Variants in PCNT observed in about 807,000 individuals in gnomAD.
PCNT encodes pericentrin, also known as kendrin.
PCNT carries 319 observed loss-of-function variants against 380.4 expected under a neutral mutation model. That is an observed-to-expected ratio of 0.84 (90% confidence interval 0.77 to 0.92). The LOEUF is 0.92. PCNT is among the 40% of genes least tolerant of loss of function. The probability of loss-of-function intolerance (pLI) is 0.00; values close to 1 mark genes in which losing one functional copy is unlikely to be tolerated. For synonymous variants in PCNT, 1,845 were observed against 1,735.2 expected, an observed-to-expected ratio of 1.06 and a Z score of -1.57; for missense variants, 4,400 against 4,255.3, an observed-to-expected ratio of 1.03 and a Z score of -0.95.
chr21:46,428,286 C>CT (rs1412583676), intron 34 of PCNT, 109 bp from the exon 35 acceptor site: 6 of 995,080 alleles, frequency 6.0e-6, no homozygotes, highest in African/African-American at 1.6e-5. Context: ...CCATCCCAGA[C>CT]TCAGCAGGCT....
At chr21:46,330,287 T>TAAAAA (rs375033953) in intron 2 of PCNT, among the ~76,000 whole-genome samples, 3 of 151,560 alleles carry the variant, frequency 2.0e-5, no homozygotes, top group Non-Finnish European at 4.4e-5. Flanking sequence ...CTGGCTAACT[T>TAAAAA]AAAAAAAAAT....
In PCNT at chr21:46,423,604, A is replaced by G. The variant is rs553208228; in HGVS notation, c.7179+1480A>G. Among the ~76,000 whole-genome samples the G allele has an allele frequency of 2.0e-3, 295 of 147,982 alleles. 2 individuals carry two copies. The highest frequency in any genetic ancestry group is 7.1e-3 in the African/African-American group (280 of 39,556). ...TAAGGAATAAATTTGATTAATGTTA[A>G]CTCTTCATACTTAGGTTTCATAATT... On this transcript the variant is annotated intron_variant, in intron 32 of 46. Transcript: ENST00000359568.
Position 46,430,643 on chromosome 21 carries a change from G to C in PCNT, c.8050G>C (p.Ala2684Pro), listed in dbSNP as rs1265124934. The C allele has an allele frequency of 1.3e-6, 2 of 1,570,916 alleles. No homozygotes were observed. ...GCACCTGCAGAGGGAGAGCCAGAGTGCCAAGGCCCTGGAGGTAACAGGGTG... is the reference window on the plus strand; with the variant it reads ...GCACCTGCAGAGGGAGAGCCAGAGTCCCAAGGCCCTGGAGGTAACAGGGTG... ...LRHLQRESQS[A>P]KALEELRASL... is the part of the protein sequence containing the mutation. The change falls in exon 37 of 47, where the codon GCC becomes CCC. Residue 2684 changes from alanine (A) to proline (P), a missense_variant. Physicochemically the swap from Ala to Pro is conservative, Grantham distance 27. Transcript: ENST00000359568.
At chr21:46,355,712 C>A in intron 12 of PCNT, 86 bp downstream of exon 12, 2 of 1,375,244 alleles carry the variant, frequency 1.5e-6, no homozygotes, top group East Asian at 2.4e-5. Flanking sequence ...GGGTTCGATC[C>A]AAGTCCTCCG....
intron 24 of PCNT, among the ~76,000 whole-genome samples, chr21:46,398,899 A>G (rs2086303214): frequency 6.8e-6 from 1 of 146,930 alleles, no homozygotes; most frequent in South Asian, 2.1e-4. Flanking sequence ...AGCTCACTGC[A>G]AGCTCCACCT....
At chr21:46,436,459 A>T (rs1176815047) in intron 39 of PCNT, among the ~76,000 whole-genome samples, 2 of 47,710 alleles carry the variant, frequency 4.2e-5, no homozygotes, top group East Asian at 7.7e-4. Context: ...TCGGGTTTGG[A>T]GCCTCCTGTG....
intron 15 of PCNT, among the ~76,000 whole-genome samples, chr21:46,373,277 A>T (rs143038498): frequency 1.3e-3 from 193 of 152,180 alleles, no homozygotes; most frequent in Non-Finnish European, 2.3e-3. Context: ...TCAGCCTCCC[A>T]AAGTGCTGGG....
intron 17 of PCNT, among the ~76,000 whole-genome samples, chr21:46,386,877 T>C (rs556553005): frequency 1.8e-4 from 27 of 152,156 alleles, no homozygotes; most frequent in Non-Finnish European, 2.9e-4. Flanking sequence ...CCCGTCCCCT[T>C]GTGTGGGTCT....
intron 19 of PCNT, 68 bp downstream of exon 19, chr21:46,389,499 C>T (rs2147283484): frequency 7.6e-7 from 1 of 1,308,942 alleles, no homozygotes; most frequent in Non-Finnish European, 1.1e-6. Flanking sequence ...GCCACACGAG[C>T]CTGGTGGATG....
At chr21:46,390,961 G>A in intron 20 of PCNT, 129 bp downstream of exon 20, 1 of 1,245,584 alleles carries the variant, frequency 8.0e-7, no homozygotes, top group Non-Finnish European at 1.1e-6. Context: ...AACATGGGAG[G>A]CACCCATGGT....
intron 3 of PCNT, among the ~76,000 whole-genome samples, chr21:46,344,125 C>T (rs1249435921): frequency 4.0e-5 from 6 of 150,402 alleles, no homozygotes; most frequent in African/African-American, 9.8e-5. Context: ...AGTGCAGTGG[C>T]GCGATCTCTG....
intron 16 of PCNT, 55 bp from the exon 17 acceptor site, chr21:46,385,777 C>CA: frequency 6.4e-7 from 1 of 1,570,906 alleles, no homozygotes; most frequent in Non-Finnish European, 8.8e-7. Flanking sequence ...CCCTTACAGC[C>CA]ATTTGCTTTT....
chr21:46,373,028 G>C (rs1199617233), intron 15 of PCNT, among the ~76,000 whole-genome samples: 1 of 152,196 alleles, frequency 6.6e-6, no homozygotes, highest in Non-Finnish European at 1.5e-5. Flanking sequence ...GACTGTTGTT[G>C]TTGTTGTTTT....
At chr21:46,357,652 C>T (rs1036034500) in intron 13 of PCNT, among the ~76,000 whole-genome samples, 4 of 152,158 alleles carry the variant, frequency 2.6e-5, no homozygotes, top group Non-Finnish European at 5.9e-5. Context: ...AGGTGTCAAA[C>T]GCCTGACCTC....
In PCNT at chr21:46,444,832, T is replaced by G. The variant is rs763099551; in HGVS notation, c.9967+11T>G. 1 of 1,612,512 alleles carries G rather than the reference T, an allele frequency of 6.2e-7. No individual in the cohort carries two copies. The highest frequency in any genetic ancestry group is 8.5e-7 in the Non-Finnish European group (1 of 1,178,574). ...GAGGGGTACTACCAGGTAATGCAAG[T>G]CCTCGCCGAGTATTTATTAAGCTGA... is the stretch of plus-strand genomic sequence containing the variant. On this transcript the variant is annotated intron_variant, in intron 46 of 46. Transcript: ENST00000359568.
At chr21:46,355,776 T>A in intron 12 of PCNT, 150 bp downstream of exon 12, 1 of 804,804 alleles carries the variant, frequency 1.2e-6, no homozygotes, top group Non-Finnish European at 2.1e-6. Context: ...CTCAACAGAG[T>A]GTGTCCTGAT....
chr21:46,404,407 C>G (rs1363270603), intron 27 of PCNT, among the ~76,000 whole-genome samples: 1 of 138,852 alleles, frequency 7.2e-6, no homozygotes, highest in Non-Finnish European at 1.7e-5. Context: ...TTTCCACCGG[C>G]ATTTCTGCCC....
At chr21:46,391,079 A>G (rs1177315876) in intron 20 of PCNT, 85 bp from the exon 21 acceptor site, 1 of 1,320,476 alleles carries the variant, frequency 7.6e-7, no homozygotes, top group East Asian at 2.5e-5. Flanking sequence ...TCTCAGGGGC[A>G]GTGGCCCCGT....
chr21:46,367,066 G>A lies in PCNT; in HGVS notation c.3092G>A (p.Arg1031Gln), dbSNP rs544000220. ...RKHEGELQSV[R>Q]DHLRTEVSTE... ...CACGAAGGGGAGCTACAGTCTGTGC[G>A]GGACCACCTGCGAACCGAAGTGAGC... The change falls in exon 15 of 47, where the codon CGG becomes CAG. Residue 1031 changes from arginine to glutamine, a missense_variant. Coordinates refer to ENST00000359568, the MANE Select transcript of PCNT (RefSeq NM_006031.6). 2.5e-5 allele frequency: 41 copies of A among 1,613,944 alleles called. No homozygotes were observed. The highest frequency in any genetic ancestry group is 1.6e-4 in the Middle Eastern group (1 of 6,062).
Sources: gnomAD v4.1 joint callset for allele counts (sites outside exome capture counted in the v4.1 genomes callset) on GRCh38, gnomAD v4.1.1 for gene constraint, MANE v1.5 for transcripts, NCBI Gene and HGNC (gene_info 2026-07-23, HGNC 2026-07-21) for gene names.